The following MALRD1 variants were observed in gnomAD, a reference collection of about 807,000 sequenced individuals.
The protein encoded by MALRD1 is MAM and LDL receptor class A domain containing 1, also known as MAM and LDL-receptor class A domain-containing protein 1.
A neutral mutation model predicts 242.1 loss-of-function variants in MALRD1; 247 were observed. The ratio of observed to expected loss-of-function variants is 1.02; its 90% CI spans 0.92 to 1.13. MALRD1 has a LOEUF of 1.13. Ranked by LOEUF, MALRD1 falls within the 50% of genes most tolerant of loss-of-function variation. The pLI, the probability that MALRD1 is intolerant of heterozygous loss-of-function variation, is 0.00. For synonymous variants in MALRD1, 995 were observed against 866.6 expected (o/e 1.15, Z -2.60); for missense variants, 2,989 against 2,533.1 (o/e 1.18, Z -3.86).
chr10:19,650,810 C>A (rs958668118), intron 36 of MALRD1, among the ~76,000 whole-genome samples: 10 of 152,220 alleles, frequency 6.6e-5, no homozygotes, highest in African/African-American at 1.7e-4. Flanking sequence ...AGCTCAGGCT[C>A]TCCGAGCTGC....
At chr10:19,276,913 T>C (rs1840555584) in intron 19 of MALRD1, among the ~76,000 whole-genome samples, 2 of 152,046 alleles carry the variant, frequency 1.3e-5, no homozygotes, top group South Asian at 4.1e-4. Context: ...TAATTTTTTA[T>C]TTTTTGTTTG....
intron 28 of MALRD1, among the ~76,000 whole-genome samples, chr10:19,400,753 C>A (rs1453404045): frequency 6.6e-6 from 1 of 152,102 alleles, no homozygotes; most frequent in Admixed American, 6.6e-5. Flanking sequence ...TGGTAGCTCA[C>A]GCCTATAATC....
intron 28 of MALRD1, among the ~76,000 whole-genome samples, chr10:19,409,720 A>C (rs1833193255): frequency 6.6e-6 from 1 of 152,132 alleles, no homozygotes; most frequent in Non-Finnish European, 1.5e-5. Flanking sequence ...TTATTTCTTA[A>C]AACTTCATGT....
rs191362167 is a variant in MALRD1, at chr10:19,653,567, A to G, written c.6137+37644A>G. Among the ~76,000 whole-genome samples the G allele has an allele frequency of 3.4e-4, 52 of 151,762 alleles. No homozygotes were observed. In the East Asian group the frequency reaches 3.9e-3, roughly 11 times the overall value. ...CCTTGGGAAGGAGCTTAAAGTTTCTATGTCCTCTTGTGTTGAAGTTTTCAT... is the reference window on the plus strand; with the variant it reads ...CCTTGGGAAGGAGCTTAAAGTTTCTGTGTCCTCTTGTGTTGAAGTTTTCAT... On this transcript the variant is annotated intron_variant, in intron 36 of 39. Coordinates refer to ENST00000454679, the MANE Select transcript of MALRD1 (RefSeq NM_001142308.3).
intron 8 of MALRD1, among the ~76,000 whole-genome samples, 160 bp downstream of exon 8, chr10:19,128,547 G>C (rs1336312347): frequency 1.3e-5 from 2 of 152,078 alleles, no homozygotes; most frequent in Non-Finnish European, 2.9e-5. Context: ...AACTAGGATA[G>C]GGGACACTCT....
intron 18 of MALRD1, among the ~76,000 whole-genome samples, chr10:19,256,161 A>G (rs948610730): frequency 1.5e-4 from 23 of 151,942 alleles, no homozygotes; most frequent in African/African-American, 5.1e-4. Flanking sequence ...AATAGTATTT[A>G]TTTTTATTTA....
chr10:19,049,727 G>C (rs939244038), intron 1 of MALRD1, among the ~76,000 whole-genome samples: 1 of 152,112 alleles, frequency 6.6e-6, no homozygotes, highest in Non-Finnish European at 1.5e-5. Context: ...CTGTGATTTT[G>C]AACTTTATTT....
intron 31 of MALRD1, among the ~76,000 whole-genome samples, chr10:19,529,644 A>G (rs1315413329): frequency 1.4e-5 from 2 of 145,024 alleles, no homozygotes; most frequent in African/African-American, 5.7e-5. Context: ...AACTATATGA[A>G]TAATTAAGTG....
intron 18 of MALRD1, among the ~76,000 whole-genome samples, chr10:19,243,686 T>C (rs1437118377): frequency 6.6e-6 from 1 of 152,172 alleles, no homozygotes; most frequent in African/African-American, 2.4e-5. Context: ...CTCTTGGGTC[T>C]TTACCTCTCA....
At chr10:19,403,164 CA>C (rs796811427) in intron 28 of MALRD1, among the ~76,000 whole-genome samples, 6 of 149,890 alleles carry the variant, frequency 4.0e-5, no homozygotes, top group Admixed American at 6.6e-5. Context: ...TTATGTTTTC[CA>C]AAAAAAAAGT....
chr10:19,701,703 CCCCTCCCCTA>C (rs1445360150), intron 38 of MALRD1, among the ~76,000 whole-genome samples: 3 of 108,030 alleles, frequency 2.8e-5, no homozygotes, highest in Non-Finnish European at 5.6e-5. Context: ...CCTTCCTCTT[CCCCTCCCCTA>C]CCCTCCCCCT....
chr10:19,415,979 C>G (rs1833500855), intron 28 of MALRD1, among the ~76,000 whole-genome samples: 1 of 152,050 alleles, frequency 6.6e-6, no homozygotes. Flanking sequence ...AAAGTAGAAA[C>G]TGAGTGAGGA....
chr10:19,588,245 T>G (rs1179746638), intron 33 of MALRD1, among the ~76,000 whole-genome samples: 1 of 152,214 alleles, frequency 6.6e-6, no homozygotes, highest in African/African-American at 2.4e-5. Context: ...AAAGCATTCT[T>G]CAGTTCGTCC....
In MALRD1 at chr10:19,339,037, T is replaced by C. The variant is rs1588934753; in HGVS notation, c.3901+7455T>C. 2.7e-5 allele frequency among the ~76,000 whole-genome samples: 4 copies of C among 149,144 alleles called. No homozygotes were observed. The South Asian group carries it at 8.5e-4, about 32-fold the overall frequency. On this transcript the variant is annotated intron_variant, in intron 24 of 39. Coordinates refer to ENST00000454679, the MANE Select transcript of MALRD1 (RefSeq NM_001142308.3). Reference sequence around the variant, plus strand: ...TACTATTAGCACGTCAGGGTGACTATACACACACACACACACACATAAATA... The same window carrying C: ...TACTATTAGCACGTCAGGGTGACTACACACACACACACACACACATAAATA...
Position 19,723,664 on chromosome 10 carries a change from C to T in MALRD1, c.6315-7042C>T, listed in dbSNP as rs1388780509. On this transcript the variant is annotated intron_variant, in intron 38 of 39. Coordinates refer to ENST00000454679, the MANE Select transcript of MALRD1 (RefSeq NM_001142308.3). ...GACCAAGGCAGGAGGATCGCTTGGG[C>T]CCAGGAGTTCAAGGCTGCAGTGAGC... Among the ~76,000 whole-genome samples the T allele has an allele frequency of 2.0e-5, 3 of 151,178 alleles. No individual in the cohort carries two copies. In the East Asian group the frequency reaches 5.8e-4, roughly 29 times the overall value.
chr10:19,073,161 C>A (rs1352639944), intron 2 of MALRD1, among the ~76,000 whole-genome samples: 1 of 152,062 alleles, frequency 6.6e-6, no homozygotes, highest in Non-Finnish European at 1.5e-5. Context: ...GTGATCTGCC[C>A]ACCTTGGCCT....
chr10:19,488,131 A>T (rs1837315400), intron 29 of MALRD1, among the ~76,000 whole-genome samples: 1 of 152,222 alleles, frequency 6.6e-6, no homozygotes, highest in South Asian at 2.1e-4. Flanking sequence ...AGTCACTATG[A>T]ATCTGTGAAG....
rs566585056 is a variant in MALRD1, at chr10:19,198,013, C to T, written c.1952-5715C>T. Among the ~76,000 whole-genome samples the T allele has an allele frequency of 5.2e-4, 79 of 152,266 alleles. 2 individuals carry two copies. Among genetic ancestry groups the T allele is most frequent in the African/African-American group, 1.9e-3 (79 of 41,550 alleles). ...ATTGCTTACTTGCTTATGAATTTCCCACACTAGAGTCTAAGCTTTCTTTTT... is the reference window on the plus strand; with the variant it reads ...ATTGCTTACTTGCTTATGAATTTCCTACACTAGAGTCTAAGCTTTCTTTTT... On this transcript the variant is annotated intron_variant, in intron 14 of 39. Transcript: ENST00000454679.
intron 28 of MALRD1, among the ~76,000 whole-genome samples, chr10:19,392,748 G>T (rs925484420): frequency 6.6e-6 from 1 of 152,176 alleles, no homozygotes; most frequent in Non-Finnish European, 1.5e-5. Context: ...TCATTTTCTT[G>T]AAGTTTGCTT....
Sources: allele counts gnomAD v4.1 joint callset (sites outside exome capture counted in the v4.1 genomes callset), GRCh38; gene constraint gnomAD v4.1.1; transcripts MANE v1.5; gene names NCBI Gene and HGNC (gene_info 2026-07-23, HGNC 2026-07-21).